The following CEMIP variants were observed in gnomAD, a reference collection of about 807,000 sequenced individuals.
CEMIP encodes the protein cell migration inducing hyaluronidase 1.
In CEMIP, 105 loss-of-function variants were observed where a neutral mutation model predicts 156.9. The ratio of observed to expected loss-of-function variants is 0.67; its 90% confidence interval spans 0.57 to 0.79. CEMIP has a LOEUF of 0.79. Ranked by LOEUF, CEMIP falls within the 30% of genes least tolerant of loss-of-function variation. The pLI is 0.00. For synonymous variants in CEMIP, 676 were observed against 668.4 expected (o/e 1.01, Z -0.17); for missense variants, 1,457 against 1,769.4 (o/e 0.82, Z 3.17).
chr15:80,803,586 G>A (rs1313965841), intron 1 of CEMIP, among the ~76,000 whole-genome samples: 3 of 152,196 alleles, frequency 2.0e-5, no homozygotes, highest in African/African-American at 7.2e-5. Context: ...ACCGTGATGA[G>A]TATTTGCATT....
intron 1 of CEMIP, among the ~76,000 whole-genome samples, chr15:80,844,266 G>C (rs1382984854): frequency 6.6e-6 from 1 of 152,230 alleles, no homozygotes; most frequent in Non-Finnish European, 1.5e-5. Flanking sequence ...ATGAGCTGCA[G>C]CTGCCTCGGG....
chr15:80,802,995 C>T (rs1214997699), intron 1 of CEMIP, among the ~76,000 whole-genome samples: 1 of 152,176 alleles, frequency 6.6e-6, no homozygotes, highest in African/African-American at 2.4e-5. Context: ...ATATATTTCT[C>T]ACAGTTCTGG....
At chr15:80,904,981 C>G (rs1178258639) in intron 12 of CEMIP, among the ~76,000 whole-genome samples, 1 of 152,182 alleles carries the variant, frequency 6.6e-6, no homozygotes, top group East Asian at 1.9e-4. Flanking sequence ...AAAAAAACCC[C>G]ACAATCTCAC....
chr15:80,813,509 C>A (rs1425775159), intron 1 of CEMIP, among the ~76,000 whole-genome samples: 2 of 152,056 alleles, frequency 1.3e-5, no homozygotes, highest in Non-Finnish European at 2.9e-5. Flanking sequence ...CCACACCCAG[C>A]TGATTTTTGT....
intron 1 of CEMIP, among the ~76,000 whole-genome samples, chr15:80,870,641 C>T (rs994310685): frequency 4.6e-5 from 7 of 152,180 alleles, no homozygotes; most frequent in East Asian, 3.9e-4. Flanking sequence ...CAGAGAGCAA[C>T]GCCAGCAAGC....
chr15:80,813,687 C>G (rs962154004), intron 1 of CEMIP, among the ~76,000 whole-genome samples: 12 of 152,098 alleles, frequency 7.9e-5, no homozygotes, highest in Admixed American at 3.3e-4. Flanking sequence ...CTGAAGCACT[C>G]TAAAGGTGAA....
chr15:80,922,297 GGC>G (rs1900506418), intron 17 of CEMIP, among the ~76,000 whole-genome samples, 160 bp downstream of exon 17: 1 of 152,230 alleles, frequency 6.6e-6, no homozygotes, highest in East Asian at 1.9e-4. Context: ...AGGCCTCCCA[GGC>G]CATTGGCCAC....
chr15:80,873,095 C>T (rs1444436473), intron 1 of CEMIP, among the ~76,000 whole-genome samples: 1 of 152,206 alleles, frequency 6.6e-6, no homozygotes, highest in Non-Finnish European at 1.5e-5. Context: ...TCAAACACTA[C>T]ACTTCTGCTA....
At chr15:80,897,531 T>C (rs921541148) in intron 12 of CEMIP, among the ~76,000 whole-genome samples, 8 of 152,214 alleles carry the variant, frequency 5.3e-5, no homozygotes, top group African/African-American at 1.9e-4. Flanking sequence ...TGGAGGGAGA[T>C]GGTAATTTGG....
At chr15:80,896,920 A>G (rs1165843061) in intron 12 of CEMIP, among the ~76,000 whole-genome samples, 2 of 152,188 alleles carry the variant, frequency 1.3e-5, no homozygotes, top group Non-Finnish European at 2.9e-5. Context: ...TCCTTAAGGC[A>G]TCATCTTTAA....
chr15:80,883,994 G>A (rs1365735066), intron 6 of CEMIP, among the ~76,000 whole-genome samples, 181 bp from the exon 7 acceptor site: 2 of 152,222 alleles, frequency 1.3e-5, no homozygotes, highest in African/African-American at 2.4e-5. Context: ...GGATATCACT[G>A]TATGGTATGC....
chr15:80,936,797 C>G lies in CEMIP; in HGVS notation c.3133C>G (p.Pro1045Ala), dbSNP rs1474833828. 2 of 1,614,190 alleles carry G rather than the reference C, an allele frequency of 1.2e-6. No individual in the cohort carries two copies. Among genetic ancestry groups the G allele is most frequent in the Non-Finnish European group, 1.7e-6 (2 of 1,180,044 alleles). The change falls in exon 24 of 30, where the codon CCG becomes GCG. Residue 1045 changes from proline to alanine, a missense_variant. Physicochemically the swap from Pro to Ala is conservative, Grantham distance 27 (BLOSUM62 -1). Coordinates refer to ENST00000394685, the MANE Select transcript of CEMIP (RefSeq NM_001293298.2). ...GAGCACCCATTACCAGCAATACCAA[C>G]CGGTTGTCACCCTGCAGAAGGGCTA... ...TRSTHYQQYQ[P>A]VVTLQKGYTI...
At chr15:80,909,894 T>C (rs1899979436) in intron 14 of CEMIP, 1 of 306,684 alleles carries the variant, frequency 3.3e-6, no homozygotes, top group African/African-American at 2.2e-5. Context: ...ACACTGGACA[T>C]CACAAAATGG....
intron 1 of CEMIP, among the ~76,000 whole-genome samples, chr15:80,832,182 T>C (rs1415742732): frequency 6.6e-6 from 1 of 152,222 alleles, no homozygotes; most frequent in Non-Finnish European, 1.5e-5. Context: ...GCACTTTCCA[T>C]ATTTAGCAAC....
chr15:80,864,922 CTG>C (rs1434074790), intron 1 of CEMIP, among the ~76,000 whole-genome samples: 1 of 152,144 alleles, frequency 6.6e-6, no homozygotes, highest in African/African-American at 2.4e-5. Context: ...GACTGAGAAC[CTG>C]TGTTTCTAAC....
chr15:80,803,481 AAG>A (rs1896432122), intron 1 of CEMIP, among the ~76,000 whole-genome samples: 1 of 152,192 alleles, frequency 6.6e-6, no homozygotes, highest in African/African-American at 2.4e-5. Flanking sequence ...AAAAATGAAA[AAG>A]AATCTTAGAA....
chr15:80,916,436 A>G (rs1276913573), intron 14 of CEMIP, among the ~76,000 whole-genome samples: 1 of 152,236 alleles, frequency 6.6e-6, no homozygotes, highest in Non-Finnish European at 1.5e-5. Flanking sequence ...AGATATCCAG[A>G]AGGACAAAGA....
chr15:80,836,092 T>G (rs1367036024), intron 1 of CEMIP, among the ~76,000 whole-genome samples: 1 of 121,592 alleles, frequency 8.2e-6, no homozygotes, highest in Non-Finnish European at 1.8e-5. Context: ...TTTTTTTTTG[T>G]ATTCAGTTTT....
chr15:80,925,365 C>T (rs568941702), intron 18 of CEMIP, among the ~76,000 whole-genome samples: 2 of 152,350 alleles, frequency 1.3e-5, no homozygotes, highest in East Asian at 3.9e-4. Context: ...TCTGAACTGT[C>T]CTCTGTGTTT....
Sources: gnomAD v4.1 joint callset for allele counts (sites outside exome capture counted in the v4.1 genomes callset) on GRCh38, gnomAD v4.1.1 for gene constraint, MANE v1.5 for transcripts, NCBI Gene and HGNC (gene_info 2026-07-23, HGNC 2026-07-21) for gene names.